The following DIAPH1 variants were observed in gnomAD, a reference collection of about 807,000 sequenced individuals.
DIAPH1 encodes protein diaphanous homolog 1.
Under a neutral mutation model 140.7 loss-of-function variants are expected in DIAPH1, and 46 were observed. The ratio of observed to expected loss-of-function variants is 0.33; its 90% CI spans 0.26 to 0.42. The LOEUF is 0.42. Among genes scored for constraint, DIAPH1 ranks in the 10% least tolerant of loss-of-function variants. DIAPH1 has a pLI of 1.00. For missense variants in DIAPH1, 1,310 were observed against 1,558.7 expected (o/e 0.84, Z 2.69); for synonymous variants, 565 against 551.6 (o/e 1.02, Z -0.34).
intron 2 of DIAPH1, 90 bp from the exon 3 acceptor site, chr5:141,587,287 A>G (rs55662777): frequency 0.043 from 56,933 of 1,332,842 alleles, 1,405 homozygotes; most frequent in South Asian, 0.074. Flanking sequence ...AACCTCTTAC[A>G]CAGGCATGGT....
In DIAPH1 at chr5:141,568,341, A is replaced by G. The variant is rs78584863; in HGVS notation, c.2482+3087T>C. Among the ~76,000 whole-genome samples, 719 of 152,304 alleles carry G rather than the reference A, an allele frequency of 4.7e-3. 6 individuals are homozygous for G. Among genetic ancestry groups the G allele is most frequent in the Middle Eastern group, 0.01 (3 of 294 alleles). ...TATTGGACCTATTTCCAAGAAATTCAAAAAGAGTCAACAAAGACTCCTTGC... is the reference window on the plus strand; with the variant it reads ...TATTGGACCTATTTCCAAGAAATTCGAAAAGAGTCAACAAAGACTCCTTGC... On this transcript the variant is annotated intron_variant, in intron 18 of 27. Transcript: ENST00000389054.
chr5:141,616,041 G>A (rs576216537), intron 1 of DIAPH1, among the ~76,000 whole-genome samples: 1 of 152,316 alleles, frequency 6.6e-6, no homozygotes, highest in African/African-American at 2.4e-5. Context: ...GAATAATGCC[G>A]GAGAAGGGGT....
intron 1 of DIAPH1, among the ~76,000 whole-genome samples, chr5:141,603,690 G>A (rs1308714664): frequency 6.6e-6 from 1 of 152,164 alleles, no homozygotes; most frequent in East Asian, 1.9e-4. Flanking sequence ...CTGCACAACT[G>A]TCTAAAACTG....
intron 23 of DIAPH1, among the ~76,000 whole-genome samples, chr5:141,528,070 G>C (rs1347704239): frequency 6.6e-6 from 1 of 152,140 alleles, no homozygotes; most frequent in Non-Finnish European, 1.5e-5. Context: ...ATAGAGGCGG[G>C]GGCAGAAATC....
chr5:141,578,707 T>C, intron 9 of DIAPH1, 82 bp from the exon 10 acceptor site: 3 of 1,025,146 alleles, frequency 2.9e-6, no homozygotes, highest in Non-Finnish European at 4.6e-6. Flanking sequence ...CATTCTTAGG[T>C]CCCCAATACA....
At chr5:141,585,771 C>A (rs1198937475) in intron 3 of DIAPH1, among the ~76,000 whole-genome samples, 1 of 151,892 alleles carries the variant, frequency 6.6e-6, no homozygotes. Context: ...CAGAGCAATA[C>A]TCCATCTCAA....
chr5:141,588,647 TCA>T (rs934023908), intron 1 of DIAPH1, among the ~76,000 whole-genome samples: 2 of 152,062 alleles, frequency 1.3e-5, no homozygotes, highest in African/African-American at 4.8e-5. Context: ...GTCCGTCTAG[TCA>T]CAGACCAACA....
At chr5:141,595,752 C>T (rs2099899215) in intron 1 of DIAPH1, among the ~76,000 whole-genome samples, 1 of 152,162 alleles carries the variant, frequency 6.6e-6, no homozygotes, top group Non-Finnish European at 1.5e-5. Context: ...TACCCAGTCT[C>T]AGGTATTTCT....
chr5:141,531,969 A>G (rs1484829254), intron 19 of DIAPH1, among the ~76,000 whole-genome samples: 1 of 152,046 alleles, frequency 6.6e-6, no homozygotes, highest in Non-Finnish European at 1.5e-5. Flanking sequence ...ATTACACAGG[A>G]TAAAAAGCAA....
intron 11 of DIAPH1, chr5:141,577,927 C>A: frequency 1.9e-6 from 1 of 523,600 alleles, no homozygotes; most frequent in Non-Finnish European, 3.4e-6. Context: ...GTCCAAACAT[C>A]TCTAAAAGCC....
At chr5:141,568,649 G>A (rs549497406) in intron 18 of DIAPH1, among the ~76,000 whole-genome samples, 1 of 152,252 alleles carries the variant, frequency 6.6e-6, no homozygotes, top group South Asian at 2.1e-4. Flanking sequence ...TGTGTAACAG[G>A]AGACTTTTCA....
Position 141,527,699 on chromosome 5 carries a change from T to TAAAAAAAAAAAAAAAAATA in DIAPH1, c.3149-3_3149-2insTATTTTTTTTTTTTTTTTT. ...TCTTTTGCAAGTTTTCAGCAGAAAC[T>TAAAAAAAAAAAAAAAAATA]AAAAAAAAAAAAAAAAAAAAAAACC... On this transcript the variant is annotated splice_polypyrimidine_tract_variant and splice_region_variant and intron_variant, in intron 23 of 27. Transcript: ENST00000389054. The TAAAAAAAAAAAAAAAAATA allele has an allele frequency of 8.8e-7, 1 of 1,130,080 alleles. No homozygotes were observed. The highest frequency in any genetic ancestry group is 1.1e-6 in the Non-Finnish European group (1 of 891,156). The allele number at this position is 1,130,080 out of a possible 1,614,324, so 70.0% of individuals were successfully genotyped here. A position where few individuals can be genotyped will look rare whatever the true frequency, so the allele number is the denominator to read the frequency against.
chr5:141,606,875 G>A (rs1437329365), intron 1 of DIAPH1, among the ~76,000 whole-genome samples: 1 of 149,854 alleles, frequency 6.7e-6, no homozygotes, highest in Non-Finnish European at 1.5e-5. Context: ...TGGTGAGAGA[G>A]AATTAATGTT....
At chr5:141,527,449 A>T in intron 24 of DIAPH1, 124 bp downstream of exon 24, 2 of 1,072,548 alleles carry the variant, frequency 1.9e-6, no homozygotes, top group Non-Finnish European at 2.7e-6. Context: ...CTATGTATTT[A>T]AAGAAAAAGA....
At chr5:141,609,168 C>CAA (rs11405338) in intron 1 of DIAPH1, among the ~76,000 whole-genome samples, 1,211 of 84,220 alleles carry the variant, frequency 0.014, 15 homozygotes, top group Admixed American at 0.025. Flanking sequence ...TTACTAAATG[C>CAA]AAAAAAAAAA....
chr5:141,581,548 T>C (rs1275467409), intron 7 of DIAPH1, among the ~76,000 whole-genome samples: 1 of 152,140 alleles, frequency 6.6e-6, no homozygotes. Context: ...CGCAATCCAA[T>C]GGAATAAGTT....
intron 1 of DIAPH1, among the ~76,000 whole-genome samples, chr5:141,597,374 AG>A (rs530597483): frequency 3.3e-5 from 5 of 152,226 alleles, no homozygotes; most frequent in Non-Finnish European, 5.9e-5. Flanking sequence ...AAAAATCTGA[AG>A]AAAAATAATT....
At chr5:141,559,570 A>G (rs543939537) in intron 18 of DIAPH1, among the ~76,000 whole-genome samples, 1 of 152,336 alleles carries the variant, frequency 6.6e-6, no homozygotes, top group African/African-American at 2.4e-5. Context: ...GGTAGCAGAA[A>G]AGCAGTATTA....
chr5:141,578,494 T>A, intron 10 of DIAPH1, 21 bp downstream of exon 10: 1 of 1,593,894 alleles, frequency 6.3e-7, no homozygotes, highest in Non-Finnish European at 8.6e-7. Flanking sequence ...CTAGCCTTTC[T>A]AATGAAGTGT....
Sources: gnomAD v4.1 joint callset for allele counts (sites outside exome capture counted in the v4.1 genomes callset) on GRCh38, gnomAD v4.1.1 for gene constraint, MANE v1.5 for transcripts, NCBI Gene and HGNC (gene_info 2026-07-23, HGNC 2026-07-21) for gene names.